CDK14: variants seen among roughly 807,000 people sequenced by gnomAD.
CDK14 encodes the protein cyclin dependent kinase 14, also known as cyclin-dependent kinase 14.
CDK14 carries 34 observed loss-of-function variants against 60.7 expected under a neutral mutation model. That is an observed-to-expected ratio of 0.56 (90% CI 0.43 to 0.75). The LOEUF (loss-of-function observed/expected upper bound fraction) is 0.75, where lower values mean the gene tolerates loss of function less well. Ranked by LOEUF, CDK14 falls within the 30% of genes least tolerant of loss-of-function variation. The probability of loss-of-function intolerance (pLI) is 0.00; values close to 1 mark genes in which losing one functional copy is unlikely to be tolerated. For synonymous variants in CDK14, 197 were observed against 203.7 expected (o/e 0.97, Z 0.28); for missense variants, 482 against 564.1 (o/e 0.85, Z 1.47).
chr7:91,053,780 G>A (rs1797465329), intron 11 of CDK14, among the ~76,000 whole-genome samples: 2 of 152,254 alleles, frequency 1.3e-5, no homozygotes, highest in South Asian at 2.1e-4. Context: ...TGTTGTCGGG[G>A]TGGGATATTC....
intron 14 of CDK14, among the ~76,000 whole-genome samples, chr7:91,142,078 C>T (rs924187578): frequency 2.0e-5 from 3 of 150,594 alleles, no homozygotes; most frequent in African/African-American, 5.0e-5. Context: ...CCCACCTGGG[C>T]CTCCCATAGT....
chr7:90,835,359 T>C (rs148783019), intron 5 of CDK14, among the ~76,000 whole-genome samples: 192 of 151,748 alleles, frequency 1.3e-3, no homozygotes, highest in African/African-American at 4.4e-3. Context: ...TGCTCTAGGG[T>C]ATGTTTAAAG....
At chr7:91,091,964 C>G (rs556389279) in intron 12 of CDK14, among the ~76,000 whole-genome samples, 1 of 151,944 alleles carries the variant, frequency 6.6e-6, no homozygotes, top group Non-Finnish European at 1.5e-5. Context: ...GAGATATACC[C>G]GAAAACCTGC....
intron 8 of CDK14, among the ~76,000 whole-genome samples, chr7:90,949,106 T>C (rs1426826925): frequency 6.6e-6 from 1 of 152,240 alleles, no homozygotes. Flanking sequence ...TTGAATATTT[T>C]CTGTCTTCTT....
At chr7:91,028,796 G>GT (rs1183763743) in intron 10 of CDK14, among the ~76,000 whole-genome samples, 1 of 151,616 alleles carries the variant, frequency 6.6e-6, no homozygotes, top group East Asian at 1.9e-4. Flanking sequence ...TTTTGTTTTT[G>GT]TTTTTTGCTG....
intron 7 of CDK14, among the ~76,000 whole-genome samples, chr7:90,905,289 G>A (rs1792659518): frequency 6.6e-6 from 1 of 152,148 alleles, no homozygotes; most frequent in Non-Finnish European, 1.5e-5. Flanking sequence ...ATGTGTTTAA[G>A]TGGACTTAAA....
At chr7:91,186,728 T>C in intron 14 of CDK14, among the ~76,000 whole-genome samples, 1 of 152,132 alleles carries the variant, frequency 6.6e-6, no homozygotes, top group East Asian at 1.9e-4. Context: ...CAATGTAGGG[T>C]TTTTTGTTTG....
chr7:91,184,068 A>T (rs992562837), intron 14 of CDK14, among the ~76,000 whole-genome samples: 16 of 152,056 alleles, frequency 1.1e-4, no homozygotes, highest in Admixed American at 7.2e-4. Flanking sequence ...TTAAAATTAC[A>T]TTTTTTAATA....
At chr7:91,194,058 A>G (rs1224042398) in intron 14 of CDK14, among the ~76,000 whole-genome samples, 3 of 152,194 alleles carry the variant, frequency 2.0e-5, no homozygotes, top group African/African-American at 7.2e-5. Flanking sequence ...ACCACATCCC[A>G]GAGAGCTAAA....
At chr7:91,024,586 G>A (rs1237192514) in intron 10 of CDK14, among the ~76,000 whole-genome samples, 1 of 152,236 alleles carries the variant, frequency 6.6e-6, no homozygotes, top group Non-Finnish European at 1.5e-5. Context: ...GGGAGGCAGA[G>A]GTGGCAGTGA....
At chr7:90,942,058 A>G (rs1015796300) in intron 8 of CDK14, among the ~76,000 whole-genome samples, 36 of 152,192 alleles carry the variant, frequency 2.4e-4, no homozygotes, top group African/African-American at 8.7e-4. Flanking sequence ...TGGGCAGGGC[A>G]GAGCAGAGGT....
chr7:90,740,506 A>T (rs1170733841), intron 3 of CDK14, among the ~76,000 whole-genome samples: 9 of 151,996 alleles, frequency 5.9e-5, no homozygotes, highest in Non-Finnish European at 1.0e-4. Context: ...GACACCAGGG[A>T]TCCCATCAAC....
chr7:90,674,052 T>G (rs1349391936), intron 2 of CDK14, among the ~76,000 whole-genome samples: 1 of 151,284 alleles, frequency 6.6e-6, no homozygotes, highest in Non-Finnish European at 1.5e-5. Flanking sequence ...GGAGCTTAAC[T>G]AAGTTGTCTT....
At chr7:91,125,001 T>C (rs1799899059) in intron 14 of CDK14, among the ~76,000 whole-genome samples, 1 of 152,170 alleles carries the variant, frequency 6.6e-6, no homozygotes, top group South Asian at 2.1e-4. Context: ...ACAGTCTTTG[T>C]GGTCTGCTGA....
chr7:90,612,471 C>G (rs1799561203), intron 2 of CDK14, among the ~76,000 whole-genome samples: 1 of 152,102 alleles, frequency 6.6e-6, no homozygotes, highest in African/African-American at 2.4e-5. Context: ...CTCACTCTCT[C>G]TTATAGTAAG....
At chr7:90,703,267 A>G (rs1801828665) in intron 2 of CDK14, among the ~76,000 whole-genome samples, 1 of 152,104 alleles carries the variant, frequency 6.6e-6, no homozygotes. Flanking sequence ...TTCTCAGATC[A>G]TATTAGTGCT....
chr7:90,984,276 G>A (rs747086983), intron 10 of CDK14, 35 bp downstream of exon 10: 11 of 1,395,590 alleles, frequency 7.9e-6, no homozygotes, highest in Non-Finnish European at 1.0e-5. Context: ...AAGAAAAATT[G>A]GTTTCTAATT....
chr7:90,717,804 T>C (rs1271341483), intron 2 of CDK14, among the ~76,000 whole-genome samples: 1 of 152,010 alleles, frequency 6.6e-6, no homozygotes, highest in Non-Finnish European at 1.5e-5. Context: ...CAGAACTATT[T>C]CATGCCCGGT....
chr7:90,877,212 A>G (rs1562808950), intron 6 of CDK14, among the ~76,000 whole-genome samples: 1 of 152,248 alleles, frequency 6.6e-6, no homozygotes, highest in Non-Finnish European at 1.5e-5. Context: ...TTAATTATTC[A>G]GAATATATAC....
Sources: gnomAD v4.1 joint callset for allele counts (sites outside exome capture counted in the v4.1 genomes callset) on GRCh38, gnomAD v4.1.1 for gene constraint, MANE v1.5 for transcripts, NCBI Gene and HGNC (gene_info 2026-07-23, HGNC 2026-07-21) for gene names.